The following H1-2 variants were observed in gnomAD, a reference collection of about 807,000 sequenced individuals.
H1-2 encodes histone H1.2.
Under a neutral mutation model 7.2 loss-of-function variants are expected in H1-2, and 7 were observed. The ratio of observed to expected loss-of-function variants is 0.97; its 90% CI spans 0.55 to 1.82. The LOEUF is 1.82. Among genes scored for constraint, H1-2 ranks in the 40% most tolerant of loss-of-function variants. The pLI, the probability that H1-2 is intolerant of heterozygous loss-of-function variation, is 0.00. For missense variants in H1-2, 703 were observed against 276.6 expected, an observed-to-expected ratio of 2.54 and a Z score of -10.94; for synonymous variants, 300 against 118.2, an observed-to-expected ratio of 2.54 and a Z score of -9.98.
chr6:26,056,075 G>A lies in H1-2; in HGVS notation c.354C>T (p.Pro118=), dbSNP rs755751435. ...TGGTTCCGCCCGCCTTTTTAACCTT[G>A]GGCTTGGCTTCCCCGGAGGCTGCCT... ...NKKAASGEAK[P]KVKKAGGTKP... Residue 118 remains proline, a synonymous_variant, in exon 1 of 1, where the codon CCC becomes CCT. Transcript: ENST00000343677. The A allele has an allele frequency of 6.8e-6, 11 of 1,614,012 alleles. No homozygotes were observed. In the African/African-American group the frequency reaches 1.2e-4, roughly 18 times the overall value.
chr6:26,056,229 G>A lies in H1-2; in HGVS notation c.200C>T (p.Ala67Val), dbSNP rs748823072. The change falls in exon 1 of 1, where the codon GCT becomes GTT. Residue 67 changes from alanine to valine, a missense_variant. Physicochemically the swap from Ala to Val is moderately conservative, Grantham distance 64. Coordinates refer to ENST00000343677, the MANE Select transcript of H1-2 (RefSeq NM_005319.4). ...VSLAALKKAL[A>V]AAGYDVEKNN... is the part of the protein sequence containing the mutation. ...TTTCTCCACATCATAGCCGGCGGCA[G>A]CCAACGCTTTTTTCAGAGCAGCCAG... 3.7e-5 allele frequency: 59 copies of A among 1,614,132 alleles called. No individual in the cohort carries two copies. The highest frequency in any genetic ancestry group is 5.0e-5 in the Admixed American group (3 of 60,008).
At position 26,056,316 on chromosome 6, in the gene H1-2, G is replaced by A. The variant is rs1178537550; in HGVS notation, c.113C>T (p.Pro38Leu). The A allele has an allele frequency of 8.1e-6, 13 of 1,613,976 alleles. No individual in the cohort carries two copies. The highest frequency in any genetic ancestry group is 2.2e-5 in the South Asian group (2 of 91,090). The change falls in exon 1 of 1, where the codon CCC (proline) becomes CTC (leucine). Residue 38 changes from proline to leucine, a missense_variant. By Grantham distance (98) the Pro-to-Leu change is moderately conservative. Transcript: ENST00000343677. Reference protein sequence around the residue: ...AGGTPRKASGPPVSELITKAV... With the variant: ...AGGTPRKASGLPVSELITKAV... Reference sequence around the variant, plus strand: ...CTTGGTGATGAGCTCTGACACCGGGGGACCAGACGCCTTACGAGGCGTACC... The same window carrying A: ...CTTGGTGATGAGCTCTGACACCGGGAGACCAGACGCCTTACGAGGCGTACC...
rs368192849 is a variant in H1-2 at position 26,056,470 on chromosome 6, T to A, written c.-42A>T. 7.4e-5 allele frequency: 114 copies of A among 1,535,108 alleles called. No homozygotes were observed. The highest frequency in any genetic ancestry group is 7.5e-5 in the Non-Finnish European group (86 of 1,146,314). On this transcript the variant is annotated 5_prime_UTR_variant, in exon 1 of 1. Transcript: ENST00000343677. Reference sequence around the variant, plus strand: ...TCGGGTACAAGTGGCAAAGCGCCGATGAAGCAGCGCCTGGGCAGGGCCGCT... The same window carrying A: ...TCGGGTACAAGTGGCAAAGCGCCGAAGAAGCAGCGCCTGGGCAGGGCCGCT...
In H1-2 at chr6:26,056,348, C is replaced by T. The variant is rs151213047; in HGVS notation, c.81G>A (p.Lys27=). Residue 27 remains lysine (K), a synonymous_variant, in exon 1 of 1, where the codon AAG becomes AAA. Transcript: ENST00000343677. ...KAPVKKKAAK[K]AGGTPRKASG... ...ACGCCTTACGAGGCGTACCCCCAGC[C>T]TTTTTGGCCGCCTTCTTCTTTACAG... The T allele has an allele frequency of 3.5e-5, 56 of 1,613,644 alleles. No homozygotes were observed. The highest frequency in any genetic ancestry group is 1.7e-4 in the Middle Eastern group (1 of 6,054).
In H1-2 at chr6:26,056,212, C is replaced by T. The variant is rs773914281; in HGVS notation, c.217G>A (p.Val73Met). Residue 73 changes from valine to methionine, a missense_variant, in exon 1 of 1, where the codon GTG becomes ATG. Val to Met is a conservative substitution (Grantham distance 21, BLOSUM62 1). Transcript: ENST00000343677. ...TTGATACGGCTGTTGTTTTTCTCCA[C>T]ATCATAGCCGGCGGCAGCCAACGCT... ...KKALAAAGYD[V>M]EKNNSRIKLG... 3.7e-6 allele frequency: 6 copies of T among 1,614,240 alleles called. No homozygotes were observed. Among genetic ancestry groups the T allele is most frequent in the South Asian group, 2.2e-5 (2 of 91,090 alleles).
rs987043105 is a variant in H1-2 at position 26,055,793 on chromosome 6, C to A, written c.636G>T (p.Lys212Asn). ...VVKPKKAAPK[K>N]K Reference sequence around the variant, plus strand: ...TTTAGAAGTAGGCGTTCGCCTATTTCTTCTTGGGCGCCGCCTTCTTAGGCT... The same window carrying A: ...TTTAGAAGTAGGCGTTCGCCTATTTATTCTTGGGCGCCGCCTTCTTAGGCT... Residue 212 changes from lysine (K) to asparagine (N), a missense_variant, in exon 1 of 1, where the codon AAG becomes AAT. By Grantham distance (94) the Lys-to-Asn change is moderately conservative. Coordinates refer to ENST00000343677, the MANE Select transcript of H1-2 (RefSeq NM_005319.4). 9 of 1,592,444 alleles carry A rather than the reference C, an allele frequency of 5.7e-6. No homozygotes were observed. Among genetic ancestry groups the A allele is most frequent in the Non-Finnish European group, 7.7e-6 (9 of 1,174,338 alleles).
rs1561926743 is a variant in H1-2 at position 26,055,745 on chromosome 6, G to A, written c.*42C>T. ...AGCTCTTTTATTGAGATCAGTGGTG[G>A]CTCTGAAAAGAGCCTTTTGGGTTTT... On this transcript the variant is annotated 3_prime_UTR_variant, in exon 1 of 1. Transcript: ENST00000343677. The A allele has an allele frequency of 6.6e-7, 1 of 1,508,394 alleles. No individual in the cohort carries two copies. The highest frequency in any genetic ancestry group is 9.0e-7 in the Non-Finnish European group (1 of 1,113,316). 93.4% of individuals were successfully genotyped at this position (1,508,394 alleles called of 1,614,324 possible). A position where few individuals can be genotyped will look rare whatever the true frequency, so the allele number is the denominator to read the frequency against.
rs1231511157 is a variant in H1-2 at position 26,056,462 on chromosome 6, A to G, written c.-34T>C. On this transcript the variant is annotated 5_prime_UTR_variant, in exon 1 of 1. Coordinates refer to ENST00000343677, the MANE Select transcript of H1-2 (RefSeq NM_005319.4). ...TCAAAAACTCGGGTACAAGTGGCAA[A>G]GCGCCGATGAAGCAGCGCCTGGGCA... The G allele has an allele frequency of 6.5e-7, 1 of 1,539,314 alleles. No homozygotes were observed. The highest frequency in any genetic ancestry group is 2.3e-5 in the East Asian group (1 of 44,372).
Position 26,055,806 on chromosome 6 carries a change from G to T in H1-2, c.623C>A (p.Ala208Glu). The T allele has an allele frequency of 6.3e-7, 1 of 1,592,752 alleles. No individual in the cohort carries two copies. The highest frequency in any genetic ancestry group is 1.1e-5 in the South Asian group (1 of 86,998). Reference sequence around the variant, plus strand: ...GTTCGCCTATTTCTTCTTGGGCGCCGCCTTCTTAGGCTTGACAACCTTGGG... The same window carrying T: ...GTTCGCCTATTTCTTCTTGGGCGCCTCCTTCTTAGGCTTGACAACCTTGGG... The part of the protein sequence containing the change: ...AKPKVVKPKK[A>E]APKKK The change falls in exon 1 of 1, where the codon GCG (alanine) becomes GAG (glutamate). Residue 208 changes from alanine (A) to glutamate (E), a missense_variant. Transcript: ENST00000343677.
At position 26,055,918 on chromosome 6, in the gene H1-2, C is replaced by A. The variant is rs146932663; in HGVS notation, c.511G>T (p.Ala171Ser). 1 of 1,614,160 alleles carries A rather than the reference C, an allele frequency of 6.2e-7. No individual in the cohort carries two copies. Among genetic ancestry groups the A allele is most frequent in the Non-Finnish European group, 8.5e-7 (1 of 1,180,038 alleles). ...ACCTTGGCCTTCTTTGGGCTCTTAG[C>A]CACTTTCTTGGTTACAGTGGCCGCG... ...PAAATVTKKV[A>S]KSPKKAKVAK... The change falls in exon 1 of 1, where the codon GCT (alanine) becomes TCT (serine). Residue 171 changes from alanine to serine, a missense_variant. Ala to Ser is a moderately conservative substitution (Grantham distance 99). Transcript: ENST00000343677.
At position 26,055,951 on chromosome 6, in the gene H1-2, T is replaced by G. The variant is rs758668087; in HGVS notation, c.478A>C (p.Lys160Gln). Residue 160 changes from lysine to glutamine, a missense_variant, in exon 1 of 1, where the codon AAG (lysine) becomes CAG (glutamine). By Grantham distance (53) the Lys-to-Gln change is moderately conservative. Coordinates refer to ENST00000343677, the MANE Select transcript of H1-2 (RefSeq NM_005319.4). ...TTGGTTACAGTGGCCGCGGCCGGCT[T>G]CTTCGCTTTCTTCGGTGTTTTCTTA... is the stretch of plus-strand genomic sequence containing the variant. ...SAKKTPKKAK[K>Q]PAAATVTKKV... 1 of 1,614,120 alleles carries G rather than the reference T, an allele frequency of 6.2e-7. No individual in the cohort carries two copies. Among genetic ancestry groups the G allele is most frequent in the South Asian group, 1.1e-5 (1 of 91,080 alleles).
Position 26,056,067 on chromosome 6 carries a change from T to TTA in H1-2, c.360_361dup (p.Lys121IlefsTer47). On this transcript the variant is annotated frameshift_variant, in exon 1 of 1. Transcript: ENST00000343677. LOFTEE classifies it high-confidence loss of function. ...CTTAGGTTTGGTTCCGCCCGCCTTT[T>TTA]TAACCTTGGGCTTGGCTTCCCCGGA... 6.2e-7 allele frequency: 1 copy of TTA among 1,614,192 alleles called. No homozygotes were observed. Among genetic ancestry groups the TTA allele is most frequent in the South Asian group, 1.1e-5 (1 of 91,090 alleles).
Position 26,056,290 on chromosome 6 carries a change from C to T in H1-2, c.139G>A (p.Ala47Thr), listed in dbSNP as rs139413249. The change falls in exon 1 of 1, where the codon GCT (alanine) becomes ACT (threonine). Residue 47 changes from alanine (A) to threonine (T), a missense_variant. Ala to Thr is a moderately conservative substitution (Grantham distance 58). Transcript: ENST00000343677. ...GPPVSELITK[A>T]VAASKERSGV... is the part of the protein sequence containing the mutation. ...CTACGCTCTTTAGAGGCGGCCACAG[C>T]CTTGGTGATGAGCTCTGACACCGGG... 3.1e-6 allele frequency: 5 copies of T among 1,614,038 alleles called. No homozygotes were observed. The highest frequency in any genetic ancestry group is 1.3e-5 in the African/African-American group (1 of 74,944).
chr6:26,055,910 G>A lies in H1-2; in HGVS notation c.519C>T (p.Ser173=), dbSNP rs772616712. Residue 173 remains serine, a synonymous_variant, in exon 1 of 1, where the codon AGC becomes AGT. Transcript: ENST00000343677. ...AATVTKKVAK[S]PKKAKVAKPK... is the part of the protein sequence containing the mutation. Reference sequence around the variant, plus strand: ...GCTTCGCAACCTTGGCCTTCTTTGGGCTCTTAGCCACTTTCTTGGTTACAG... The same window carrying A: ...GCTTCGCAACCTTGGCCTTCTTTGGACTCTTAGCCACTTTCTTGGTTACAG... The A allele has an allele frequency of 7.4e-6, 12 of 1,614,052 alleles. No individual in the cohort carries two copies. The highest frequency in any genetic ancestry group is 1.1e-5 in the South Asian group (1 of 91,086).
rs926960225 is a variant in H1-2, at chr6:26,055,988, C to G, written c.441G>C (p.Pro147=). The G allele has an allele frequency of 6.2e-7, 1 of 1,614,020 alleles. No individual in the cohort carries two copies. The highest frequency in any genetic ancestry group is 1.3e-5 in the African/African-American group (1 of 75,006). Residue 147 remains proline (P), a synonymous_variant, in exon 1 of 1, where the codon CCG becomes CCC. Transcript: ENST00000343677. ...TCGGTGTTTTCTTAGCGCTCTTCTT[C>G]GGAGTTGCGCCGCCAGCCGCCTTCT... ...KPKKAAGGAT[P]KKSAKKTPKK...
Position 26,055,904 on chromosome 6 carries a change from C to A in H1-2, c.525G>T (p.Lys175Asn), listed in dbSNP as rs369564314. ...TVTKKVAKSP[K>N]KAKVAKPKKA... The stretch of plus-strand genomic sequence containing the variant: ...TCTTGGGCTTCGCAACCTTGGCCTT[C>A]TTTGGGCTCTTAGCCACTTTCTTGG... Residue 175 changes from lysine (K) to asparagine (N), a missense_variant, in exon 1 of 1, where the codon AAG (lysine) becomes AAT (asparagine). By Grantham distance (94) the Lys-to-Asn change is moderately conservative. Transcript: ENST00000343677. 6.8e-6 allele frequency: 11 copies of A among 1,614,072 alleles called. No homozygotes were observed. The highest frequency in any genetic ancestry group is 8.5e-6 in the Non-Finnish European group (10 of 1,180,046).
At position 26,056,369 on chromosome 6, in the gene H1-2, T is replaced by C. The variant is rs1761928972; in HGVS notation, c.60A>G (p.Val20=). 6.2e-7 allele frequency: 1 copy of C among 1,611,786 alleles called. No individual in the cohort carries two copies. The highest frequency in any genetic ancestry group is 8.5e-7 in the Non-Finnish European group (1 of 1,178,962). Residue 20 remains valine, a synonymous_variant, in exon 1 of 1, where the codon GTA becomes GTG. Transcript: ENST00000343677. ...CAGCCTTTTTGGCCGCCTTCTTCTT[T>C]ACAGGGGCCTTCTCCGCAGGAGGCG... is the stretch of plus-strand genomic sequence containing the variant. ...AAAPPAEKAP[V]KKKAAKKAGG...
rs747718946 is a variant in H1-2 at position 26,055,961 on chromosome 6, C to T, written c.468G>A (p.Lys156=). ...TGGCCGCGGCCGGCTTCTTCGCTTT[C>T]TTCGGTGTTTTCTTAGCGCTCTTCT... ...TPKKSAKKTP[K]KAKKPAAATV... Residue 156 remains lysine, a synonymous_variant, in exon 1 of 1, where the codon AAG becomes AAA. Transcript: ENST00000343677. 1.1e-5 allele frequency: 18 copies of T among 1,613,948 alleles called. No homozygotes were observed. The highest frequency in any genetic ancestry group is 3.3e-5 in the Admixed American group (2 of 59,988).
rs1350582221 is a variant in H1-2 at position 26,055,908 on chromosome 6, G to A, written c.521C>T (p.Pro174Leu). The stretch of plus-strand genomic sequence containing the variant: ...GGGCTTCGCAACCTTGGCCTTCTTT[G>A]GGCTCTTAGCCACTTTCTTGGTTAC... ...ATVTKKVAKS[P>L]KKAKVAKPKK... The change falls in exon 1 of 1, where the codon CCA becomes CTA. Residue 174 changes from proline (P) to leucine (L), a missense_variant. Physicochemically the swap from Pro to Leu is moderately conservative, Grantham distance 98. Coordinates refer to ENST00000343677, the MANE Select transcript of H1-2 (RefSeq NM_005319.4). The A allele has an allele frequency of 1.9e-6, 3 of 1,614,074 alleles. No homozygotes were observed. The highest frequency in any genetic ancestry group is 1.7e-4 in the Middle Eastern group (1 of 6,056).
Sources: gnomAD v4.1 joint callset for allele counts on GRCh38, gnomAD v4.1.1 for gene constraint, MANE v1.5 for transcripts, NCBI Gene and HGNC (gene_info 2026-07-23, HGNC 2026-07-21) for gene names.